GRM5: variants seen among roughly 807,000 people sequenced by gnomAD.
GRM5 encodes metabotropic glutamate receptor 5.
GRM5 carries 19 observed loss-of-function variants against 83.1 expected under a neutral mutation model. The observed-to-expected ratio is 0.23, with a 90% CI of 0.16 to 0.34. GRM5 has a LOEUF of 0.34. Among genes scored for constraint, GRM5 ranks in the 10% least tolerant of loss-of-function variants. The pLI is 1.00. For synonymous variants in GRM5, 675 were observed against 633.6 expected (o/e 1.07, Z -0.98); for missense variants, 1,160 against 1,588.3 (o/e 0.73, Z 4.58).
At chr11:88,598,874 A>G (rs561653923) in intron 5 of GRM5, among the ~76,000 whole-genome samples, 3 of 152,322 alleles carry the variant, frequency 2.0e-5, no homozygotes, top group Non-Finnish European at 4.4e-5. Context: ...CTCTGTTTCT[A>G]GCAATTCTTA....
At chr11:88,621,259 G>A (rs12787273) in intron 4 of GRM5, among the ~76,000 whole-genome samples, 18,247 of 152,056 alleles carry the variant, frequency 0.12, 1,456 homozygotes, top group Non-Finnish European at 0.18. Context: ...TATCTTCATC[G>A]CCACCATTCT....
At chr11:88,572,856 A>G (rs1943031983) in intron 7 of GRM5, among the ~76,000 whole-genome samples, 1 of 152,164 alleles carries the variant, frequency 6.6e-6, no homozygotes. Flanking sequence ...AAGCGCATAT[A>G]ATGTATAGTT....
intron 4 of GRM5, among the ~76,000 whole-genome samples, chr11:88,630,987 GTTTC>G (rs1644719260): frequency 6.6e-6 from 1 of 152,184 alleles, no homozygotes; most frequent in African/African-American, 2.4e-5. Context: ...GGGGACAGCG[GTTTC>G]TTTATTTAGT....
At chr11:88,803,077 G>A (rs1255366445) in intron 3 of GRM5, among the ~76,000 whole-genome samples, 10 of 141,770 alleles carry the variant, frequency 7.1e-5, no homozygotes, top group Non-Finnish European at 1.5e-4. Context: ...TCATGGGTAG[G>A]AAGAATCAAT....
chr11:88,997,273 G>A (rs1940211691), intron 2 of GRM5, among the ~76,000 whole-genome samples: 2 of 149,342 alleles, frequency 1.3e-5, no homozygotes. Flanking sequence ...GTTGCACTGA[G>A]CCAAGATTGC....
intron 2 of GRM5, among the ~76,000 whole-genome samples, chr11:88,910,295 C>G (rs1945475472): frequency 1.3e-5 from 2 of 151,976 alleles, no homozygotes; most frequent in South Asian, 4.1e-4. Context: ...ATATACAGGA[C>G]AACATTTTGT....
intron 8 of GRM5, among the ~76,000 whole-genome samples, chr11:88,533,391 T>C (rs1942060613): frequency 6.6e-6 from 1 of 152,220 alleles, no homozygotes; most frequent in Non-Finnish European, 1.5e-5. Flanking sequence ...AATTTTTGCC[T>C]AAATGTCACT....
chr11:88,697,391 A>G (rs17178478), intron 3 of GRM5, among the ~76,000 whole-genome samples: 1 of 152,052 alleles, frequency 6.6e-6, no homozygotes, highest in South Asian at 2.1e-4. Context: ...ATGTTTTGCA[A>G]TTCCTTCCAC....
intron 3 of GRM5, among the ~76,000 whole-genome samples, chr11:88,774,357 A>C (rs754457634): frequency 6.6e-6 from 1 of 152,180 alleles, no homozygotes; most frequent in East Asian, 1.9e-4. Flanking sequence ...GGGCTGAGAC[A>C]ATAGGGTTTT....
intron 2 of GRM5, among the ~76,000 whole-genome samples, chr11:89,032,389 G>C (rs1294930856): frequency 6.6e-6 from 1 of 151,988 alleles, no homozygotes; most frequent in African/African-American, 2.4e-5. Flanking sequence ...GTGAGAATGA[G>C]TGCCTTAAAA....
intron 3 of GRM5, among the ~76,000 whole-genome samples, chr11:88,697,775 A>C (rs1339749421): frequency 6.6e-6 from 1 of 152,244 alleles, no homozygotes; most frequent in East Asian, 1.9e-4. Context: ...AAAGCTCTAA[A>C]GTAATAGATT....
chr11:88,800,415 TA>T (rs34514290), intron 3 of GRM5, among the ~76,000 whole-genome samples: 5 of 149,764 alleles, frequency 3.3e-5, no homozygotes, highest in Non-Finnish European at 6.0e-5. Context: ...CTACAGTACT[TA>T]AAAAAAAAAC....
intron 3 of GRM5, among the ~76,000 whole-genome samples, chr11:88,798,928 T>C (rs1943338170): frequency 6.6e-6 from 1 of 151,732 alleles, no homozygotes; most frequent in East Asian, 1.9e-4. Context: ...TGGCACCTGT[T>C]CTAAGCTAGA....
chr11:89,031,469 G>A (rs1290513945), intron 2 of GRM5, among the ~76,000 whole-genome samples: 3 of 151,698 alleles, frequency 2.0e-5, no homozygotes, highest in African/African-American at 7.3e-5. Context: ...AAGACTCTGA[G>A]GGCTCCCAAA....
intron 2 of GRM5, among the ~76,000 whole-genome samples, chr11:88,981,078 C>G (rs1195805664): frequency 6.6e-6 from 1 of 151,990 alleles, no homozygotes; most frequent in Non-Finnish European, 1.5e-5. Flanking sequence ...ATTCTCTTCT[C>G]AAAGATAAAG....
At chr11:88,983,228 A>G (rs1939584992) in intron 2 of GRM5, among the ~76,000 whole-genome samples, 1 of 152,220 alleles carries the variant, frequency 6.6e-6, no homozygotes, top group Non-Finnish European at 1.5e-5. Context: ...TTATATCATT[A>G]CAATTTTTTC....
At chr11:88,686,088 A>G (rs573649695) in intron 3 of GRM5, among the ~76,000 whole-genome samples, 4 of 152,178 alleles carry the variant, frequency 2.6e-5, no homozygotes, top group East Asian at 3.9e-4. Flanking sequence ...GACACTCAAC[A>G]CTACCCGCTG....
At chr11:89,036,328 A>C in intron 2 of GRM5, among the ~76,000 whole-genome samples, 1 of 152,116 alleles carries the variant, frequency 6.6e-6, no homozygotes, top group Admixed American at 6.6e-5. Context: ...AGTGAAAATT[A>C]GTAAGAGTCT....
intron 3 of GRM5, among the ~76,000 whole-genome samples, chr11:88,749,602 G>A (rs1942220612): frequency 6.6e-6 from 1 of 152,030 alleles, no homozygotes; most frequent in African/African-American, 2.4e-5. Flanking sequence ...AACCCAGTAA[G>A]ATACTCCACA....
Sources: allele counts gnomAD v4.1 joint callset (sites outside exome capture counted in the v4.1 genomes callset), GRCh38; gene constraint gnomAD v4.1.1; transcripts MANE v1.5; gene names NCBI Gene and HGNC (gene_info 2026-07-23, HGNC 2026-07-21).